Variants in PTPRD observed in about 807,000 individuals in gnomAD.
The protein encoded by PTPRD is protein tyrosine phosphatase receptor type D, also known as receptor-type tyrosine-protein phosphatase delta.
Under a neutral mutation model 214.5 loss-of-function variants are expected in PTPRD, and 34 were observed. The observed-to-expected ratio is 0.16, with a 90% CI of 0.12 to 0.21. PTPRD has a LOEUF of 0.21. PTPRD is among the 10% of genes least tolerant of loss of function. The probability of loss-of-function intolerance (pLI) is 1.00; values close to 1 mark genes in which losing one functional copy is unlikely to be tolerated. For synonymous variants in PTPRD, 1,128 were observed against 845.7 expected, an observed-to-expected ratio of 1.33 and a Z score of -5.79; for missense variants, 2,545 against 2,398.7, an observed-to-expected ratio of 1.06 and a Z score of -1.27.
intron 5 of PTPRD, among the ~76,000 whole-genome samples, chr9:9,897,203 A>G (rs1030826576): frequency 1.3e-5 from 2 of 151,846 alleles, no homozygotes; most frequent in African/African-American, 4.8e-5. Flanking sequence ...GGTAATGCCT[A>G]ATGCCTACTT....
At chr9:10,335,960 G>C (rs1277204086) in intron 3 of PTPRD, among the ~76,000 whole-genome samples, 4 of 151,730 alleles carry the variant, frequency 2.6e-5, no homozygotes, top group South Asian at 2.1e-4. Flanking sequence ...CAAGGATGTG[G>C]AACAACAGGA....
chr9:9,532,106 TA>T (rs1369983016), intron 8 of PTPRD, among the ~76,000 whole-genome samples: 2 of 151,948 alleles, frequency 1.3e-5, no homozygotes, highest in Non-Finnish European at 2.9e-5. Context: ...TTCTCGACCT[TA>T]AAAAAATTAA....
intron 2 of PTPRD, among the ~76,000 whole-genome samples, chr9:10,404,462 T>C (rs1214711768): frequency 1.3e-5 from 2 of 151,714 alleles, no homozygotes; most frequent in Non-Finnish European, 2.9e-5. Context: ...TGTTATTTGA[T>C]TTTTTCAAAA....
chr9:10,464,816 A>C (rs2098982851), intron 2 of PTPRD, among the ~76,000 whole-genome samples: 1 of 152,190 alleles, frequency 6.6e-6, no homozygotes, highest in Non-Finnish European at 1.5e-5. Flanking sequence ...TAAATTGCTT[A>C]TCATTAAAAA....
At chr9:10,391,799 C>T (rs1033662261) in intron 2 of PTPRD, among the ~76,000 whole-genome samples, 1 of 151,802 alleles carries the variant, frequency 6.6e-6, no homozygotes, top group Non-Finnish European at 1.5e-5. Context: ...TGCCCTTAGA[C>T]CAGTATCCAG....
intron 2 of PTPRD, among the ~76,000 whole-genome samples, chr9:10,556,966 G>T (rs976097460): frequency 6.6e-6 from 1 of 152,030 alleles, no homozygotes; most frequent in Non-Finnish European, 1.5e-5. Flanking sequence ...TTAAATAGCA[G>T]ACATCCTATG....
chr9:8,594,359 C>T lies in PTPRD; in HGVS notation c.352+38958G>A, dbSNP rs575530426. Among the ~76,000 whole-genome samples, 5 of 152,226 alleles carry T rather than the reference C, an allele frequency of 3.3e-5. No individual in the cohort carries two copies. The South Asian group carries it at 1.0e-3, about 32-fold the overall frequency. ...AAACAAATGGAAAAGTTTACTTTAT[C>T]AAAGATCTCCTAAGAATCTGTAATC... On this transcript the variant is annotated intron_variant, in intron 14 of 45. Coordinates refer to ENST00000381196, the MANE Select transcript of PTPRD (RefSeq NM_002839.4).
intron 2 of PTPRD, among the ~76,000 whole-genome samples, chr9:10,558,469 G>T (rs2063116950): frequency 6.6e-6 from 1 of 152,046 alleles, no homozygotes; most frequent in African/African-American, 2.4e-5. Context: ...ATTTCATCAT[G>T]TTGTCTGAAC....
intron 5 of PTPRD, among the ~76,000 whole-genome samples, chr9:9,826,163 A>G (rs900875177): frequency 4.0e-5 from 6 of 151,670 alleles, no homozygotes; most frequent in African/African-American, 1.2e-4. Flanking sequence ...ACGTCTTTCT[A>G]CACTTTTCTT....
At chr9:9,000,181 G>A (rs927240701) in intron 11 of PTPRD, among the ~76,000 whole-genome samples, 8 of 152,020 alleles carry the variant, frequency 5.3e-5, no homozygotes, top group Non-Finnish European at 8.8e-5. Flanking sequence ...CATTGGCGCT[G>A]CATGTGGAGC....
chr9:9,530,144 T>C (rs2075130391), intron 8 of PTPRD, among the ~76,000 whole-genome samples: 2 of 151,666 alleles, frequency 1.3e-5, no homozygotes, highest in South Asian at 2.1e-4. Flanking sequence ...AGGAAAGAAA[T>C]GATAAAGATC....
chr9:10,277,312 C>G (rs1320475227), intron 3 of PTPRD, among the ~76,000 whole-genome samples: 2 of 151,320 alleles, frequency 1.3e-5, no homozygotes, highest in Non-Finnish European at 2.9e-5. Flanking sequence ...CATCTGGTGC[C>G]TTTATCCCAA....
At chr9:8,966,419 A>AG (rs1364210967) in intron 11 of PTPRD, among the ~76,000 whole-genome samples, 3 of 151,926 alleles carry the variant, frequency 2.0e-5, no homozygotes, top group Non-Finnish European at 4.4e-5. Flanking sequence ...CCAGTGGAAG[A>AG]GAAAAAAAAA....
chr9:10,399,509 T>C (rs182232075), intron 2 of PTPRD, among the ~76,000 whole-genome samples: 19 of 152,004 alleles, frequency 1.2e-4, no homozygotes, highest in Admixed American at 1.1e-3. Context: ...ATGCTGAAAA[T>C]ATAAAGAACC....
At chr9:8,450,128 CATGGACCCTT>C (rs1452948345) in intron 33 of PTPRD, among the ~76,000 whole-genome samples, 3 of 152,122 alleles carry the variant, frequency 2.0e-5, no homozygotes, top group Admixed American at 1.3e-4. Context: ...GTGAGATACG[CATGGACCCTT>C]ATTGAGCAAT....
At chr9:9,235,329 G>A (rs746912585) in intron 9 of PTPRD, among the ~76,000 whole-genome samples, 10 of 152,132 alleles carry the variant, frequency 6.6e-5, no homozygotes, top group Non-Finnish European at 1.3e-4. Flanking sequence ...TGAGATTTGG[G>A]TGGGGACACA....
chr9:10,500,250 GC>G (rs1402810210), intron 2 of PTPRD, among the ~76,000 whole-genome samples: 3 of 151,660 alleles, frequency 2.0e-5, no homozygotes, highest in African/African-American at 4.8e-5. Context: ...TTCAAAGATG[GC>G]CTATCCCTGA....
intron 14 of PTPRD, among the ~76,000 whole-genome samples, chr9:8,563,572 G>A (rs1323351204): frequency 6.6e-6 from 1 of 151,736 alleles, no homozygotes; most frequent in Non-Finnish European, 1.5e-5. Flanking sequence ...GAGTAGTTGG[G>A]ACTATAGACA....
At chr9:9,107,259 G>A (rs1267004413) in intron 10 of PTPRD, among the ~76,000 whole-genome samples, 4 of 152,088 alleles carry the variant, frequency 2.6e-5, no homozygotes, top group African/African-American at 9.7e-5. Flanking sequence ...GAAGATACTT[G>A]CTGCCACACT....
Sources: gnomAD v4.1 joint callset for allele counts (sites outside exome capture counted in the v4.1 genomes callset) on GRCh38, gnomAD v4.1.1 for gene constraint, MANE v1.5 for transcripts, NCBI Gene and HGNC (gene_info 2026-07-23, HGNC 2026-07-21) for gene names.